Variants in UBE2E2 observed in about 807,000 individuals in gnomAD.
UBE2E2 encodes ubiquitin conjugating enzyme E2 E2.
A neutral mutation model predicts 24.7 loss-of-function variants in UBE2E2; 6 were observed. That is an observed-to-expected ratio of 0.24 (90% CI 0.13 to 0.48). UBE2E2 has a LOEUF of 0.48. UBE2E2 is among the 20% of genes least tolerant of loss of function. The pLI, the probability that UBE2E2 is intolerant of heterozygous loss-of-function variation, is 0.99. For synonymous variants in UBE2E2, 104 were observed against 83.6 expected (o/e 1.24, Z -1.33); for missense variants, 169 against 245.0 (o/e 0.69, Z 2.07).
At chr3:23,327,230 G>A (rs1191107318) in intron 3 of UBE2E2, among the ~76,000 whole-genome samples, 2 of 152,124 alleles carry the variant, frequency 1.3e-5, no homozygotes, top group Middle Eastern at 3.2e-3. Context: ...CTAGTTCTAG[G>A]TCCTTGAGGA....
At chr3:23,320,316 A>G (rs1439790619) in intron 3 of UBE2E2, among the ~76,000 whole-genome samples, 2 of 152,154 alleles carry the variant, frequency 1.3e-5, no homozygotes, top group Non-Finnish European at 2.9e-5. Flanking sequence ...CTTTCCTCTT[A>G]TATATTACTC....
intron 3 of UBE2E2, among the ~76,000 whole-genome samples, chr3:23,381,329 G>C (rs1333220295): frequency 1.3e-5 from 2 of 152,048 alleles, no homozygotes; most frequent in Admixed American, 1.3e-4. Context: ...TGGCAACAAA[G>C]TTAGAAAAAC....
intron 3 of UBE2E2, among the ~76,000 whole-genome samples, chr3:23,466,933 A>G (rs1243916523): frequency 3.3e-5 from 5 of 152,154 alleles, no homozygotes; most frequent in Non-Finnish European, 7.4e-5. Context: ...CTCCTTCACA[A>G]TGGGAGAGGC....
intron 5 of UBE2E2, among the ~76,000 whole-genome samples, chr3:23,542,627 A>G (rs1695419543): frequency 6.6e-6 from 1 of 152,090 alleles, no homozygotes; most frequent in African/African-American, 2.4e-5. Flanking sequence ...TATTTTCTGT[A>G]TTGGCTTTTT....
At chr3:23,254,480 A>G (rs946236338) in intron 3 of UBE2E2, among the ~76,000 whole-genome samples, 3 of 152,204 alleles carry the variant, frequency 2.0e-5, no homozygotes, top group Non-Finnish European at 4.4e-5. Context: ...GCAAGTTCCT[A>G]GAAATACAGA....
intron 4 of UBE2E2, among the ~76,000 whole-genome samples, chr3:23,515,798 A>AG (rs977398388): frequency 1.2e-4 from 16 of 130,918 alleles, no homozygotes; most frequent in African/African-American, 4.7e-4. Flanking sequence ...CTCTACAAAA[A>AG]GAAAAAAAAA....
At chr3:23,499,787 C>A in intron 4 of UBE2E2, 47 bp downstream of exon 4, 1 of 1,596,784 alleles carries the variant, frequency 6.3e-7, no homozygotes. Flanking sequence ...GATTATATTT[C>A]TAGATACATA....
At chr3:23,218,802 A>C (rs1025988673) in intron 3 of UBE2E2, among the ~76,000 whole-genome samples, 7 of 152,164 alleles carry the variant, frequency 4.6e-5, no homozygotes, top group Non-Finnish European at 1.5e-5. Context: ...GGGGAAAGGA[A>C]CTATATAAAG....
chr3:23,351,904 C>G (rs1695766465), intron 3 of UBE2E2, among the ~76,000 whole-genome samples: 1 of 152,290 alleles, frequency 6.6e-6, no homozygotes, highest in East Asian at 1.9e-4. Context: ...CTACAGAGCT[C>G]TCCACCCCAA....
intron 3 of UBE2E2, among the ~76,000 whole-genome samples, chr3:23,242,382 C>G (rs1378058165): frequency 2.7e-5 from 1 of 37,412 alleles, no homozygotes; most frequent in Non-Finnish European, 4.8e-5. Context: ...TGTTTTTTTT[C>G]CCCGCCCCCC....
chr3:23,541,531 A>G (rs890216355), intron 5 of UBE2E2, among the ~76,000 whole-genome samples: 3 of 152,220 alleles, frequency 2.0e-5, no homozygotes, highest in Non-Finnish European at 1.5e-5. Flanking sequence ...CTAAATTACT[A>G]GCATATTTCT....
chr3:23,370,626 T>C (rs1037259964), intron 3 of UBE2E2, among the ~76,000 whole-genome samples: 20 of 152,206 alleles, frequency 1.3e-4, no homozygotes, highest in African/African-American at 4.3e-4. Flanking sequence ...GAATGTTATC[T>C]GTGAAATGGT....
Position 23,474,592 on chromosome 3 carries a change from T to G in UBE2E2, c.228-25016T>G, listed in dbSNP as rs1267769432. ...TCCTCATCTTCATAAATTAAGGATC[T>G]GAAAAGTTTAAATTTATATATGGTC... On this transcript the variant is annotated intron_variant, in intron 3 of 5. Transcript: ENST00000396703. This position sits in a 1 kb window ranked among gnomAD's most constrained non-coding sequence, Gnocchi z 4.0. Among the ~76,000 whole-genome samples the G allele has an allele frequency of 4.6e-5, 7 of 152,154 alleles. 1 individual carries two copies. The highest frequency in any genetic ancestry group is 3.9e-4 in the Admixed American group (6 of 15,284).
At chr3:23,517,165 G>A (rs1694761407) in intron 4 of UBE2E2, among the ~76,000 whole-genome samples, 1 of 151,876 alleles carries the variant, frequency 6.6e-6, no homozygotes, top group South Asian at 2.1e-4. Context: ...TATTTGAACT[G>A]TTTATTTGAA....
intron 3 of UBE2E2, among the ~76,000 whole-genome samples, chr3:23,491,448 G>C (rs1384805814): frequency 6.6e-6 from 1 of 152,190 alleles, no homozygotes; most frequent in Non-Finnish European, 1.5e-5. Context: ...GGAGAACCTA[G>C]TACAGCCTTT....
intron 3 of UBE2E2, among the ~76,000 whole-genome samples, chr3:23,272,599 G>T (rs71317827): frequency 0.074 from 11,333 of 152,288 alleles, 548 homozygotes; most frequent in Non-Finnish European, 0.092. Context: ...AGGGAGTTTT[G>T]CAATGGGAGT....
intron 3 of UBE2E2, among the ~76,000 whole-genome samples, chr3:23,437,860 C>G (rs1300326137): frequency 6.6e-6 from 1 of 152,194 alleles, no homozygotes; most frequent in Non-Finnish European, 1.5e-5. Flanking sequence ...CAGGTGGCCA[C>G]TTATTTGATT....
chr3:23,296,439 A>G (rs1055280760), intron 3 of UBE2E2, among the ~76,000 whole-genome samples: 2 of 152,078 alleles, frequency 1.3e-5, no homozygotes, highest in Non-Finnish European at 2.9e-5. Context: ...ACCATTAGGT[A>G]TATCTCCTAA....
chr3:23,346,769 C>G (rs192882974), intron 3 of UBE2E2, among the ~76,000 whole-genome samples: 1 of 152,250 alleles, frequency 6.6e-6, no homozygotes, highest in Admixed American at 6.5e-5. Flanking sequence ...GAGTCATGAA[C>G]AACTATGGAA....
Sources: allele counts gnomAD v4.1 joint callset (sites outside exome capture counted in the v4.1 genomes callset), GRCh38; gene constraint gnomAD v4.1.1; non-coding constraint Gnocchi (gnomAD v3.1); transcripts MANE v1.5; gene names NCBI Gene and HGNC (gene_info 2026-07-23, HGNC 2026-07-21).